The following FABP6 variants were observed in gnomAD, a reference collection of about 807,000 sequenced individuals.
FABP6 encodes the protein gastrotropin.
A neutral mutation model predicts 14.9 loss-of-function variants in FABP6; 13 were observed. That is an observed-to-expected ratio of 0.87 (90% CI 0.57 to 1.39). The LOEUF (loss-of-function observed/expected upper bound fraction) is 1.39, where lower values mean the gene tolerates loss of function less well. FABP6 is among the 40% of genes most tolerant of loss of function. The pLI is 0.00. For missense variants in FABP6, 161 were observed against 167.2 expected, an observed-to-expected ratio of 0.96 and a Z score of 0.20; for synonymous variants, 75 against 63.6, an observed-to-expected ratio of 1.18 and a Z score of -0.85.
At chr5:160,232,519 T>G (rs1288866036) in intron 2 of FABP6, among the ~76,000 whole-genome samples, 2 of 152,106 alleles carry the variant, frequency 1.3e-5, no homozygotes, top group African/African-American at 2.4e-5. Context: ...TGCTGAATAG[T>G]TTTTCCATCT....
At chr5:160,210,239 C>T (rs558615209) in intron 2 of FABP6, among the ~76,000 whole-genome samples, 4 of 152,196 alleles carry the variant, frequency 2.6e-5, no homozygotes, top group Admixed American at 2.0e-4. Context: ...GGCTCTGTTC[C>T]TAGTTCTGGC....
intron 2 of FABP6, among the ~76,000 whole-genome samples, chr5:160,203,904 T>C (rs898506107): frequency 6.6e-6 from 1 of 151,974 alleles, no homozygotes; most frequent in African/African-American, 2.4e-5. Context: ...TTTCACCATG[T>C]TGGTCAGGCT....
intron 3 of FABP6, among the ~76,000 whole-genome samples, chr5:160,214,110 TC>T (rs1227392347): frequency 7.4e-6 from 1 of 134,906 alleles, no homozygotes; most frequent in Non-Finnish European, 1.6e-5. Flanking sequence ...TTTCTTTCTT[TC>T]TTTCTTTCTT....
upstream of FABP6, among the ~76,000 whole-genome samples, chr5:160,225,317 G>C (rs1007621816): frequency 6.6e-6 from 1 of 151,300 alleles, no homozygotes; most frequent in African/African-American, 2.4e-5. Context: ...GGCTGGTCTC[G>C]AACTCCTAGC....
intron 1 of FABP6, among the ~76,000 whole-genome samples, chr5:160,193,987 C>A (rs893432682): frequency 2.6e-5 from 4 of 152,222 alleles, no homozygotes. Context: ...CAGGTGCCCA[C>A]GGAGGCGGGG....
At chr5:160,190,377 C>T (rs1759369986) in intron 1 of FABP6, among the ~76,000 whole-genome samples, 2 of 152,080 alleles carry the variant, frequency 1.3e-5, no homozygotes, top group South Asian at 4.1e-4. Flanking sequence ...GGATTACAGG[C>T]ATGCACCACC....
chr5:160,202,524 T>A (rs1156641129), intron 2 of FABP6, among the ~76,000 whole-genome samples: 1 of 152,082 alleles, frequency 6.6e-6, no homozygotes, highest in African/African-American at 2.4e-5. Flanking sequence ...TGGCCGGGCG[T>A]GGTGGCTCAC....
chr5:160,216,456 T>C (rs924325895), intron 3 of FABP6, among the ~76,000 whole-genome samples: 2 of 151,814 alleles, frequency 1.3e-5, no homozygotes, highest in African/African-American at 2.4e-5. Flanking sequence ...TTAGTAGAGA[T>C]GGGGTTTCAC....
chr5:160,218,418 G>A (rs76081056), intron 3 of FABP6, among the ~76,000 whole-genome samples: 2,691 of 149,892 alleles, frequency 0.018, 74 homozygotes, highest in African/African-American at 0.061. Flanking sequence ...TCTCATTGTG[G>A]ATAAACAAAG....
chr5:160,223,327 G>GC (rs1394442094), intron 3 of FABP6, among the ~76,000 whole-genome samples: 1 of 46,444 alleles, frequency 2.2e-5, no homozygotes, highest in East Asian at 9.3e-4. Flanking sequence ...GTGAATTTTT[G>GC]CCCGCCCTTC....
chr5:160,233,862 G>C (rs1460735341), intron 2 of FABP6, among the ~76,000 whole-genome samples: 1 of 143,870 alleles, frequency 7.0e-6, no homozygotes, highest in South Asian at 2.4e-4. Flanking sequence ...ACAGGGCGAG[G>C]CTCCGTCTCA....
chr5:160,203,590 T>C (rs1002254461), intron 2 of FABP6, among the ~76,000 whole-genome samples: 11 of 152,206 alleles, frequency 7.2e-5, no homozygotes, highest in Admixed American at 2.0e-4. Context: ...CTCAGACTCC[T>C]GGGATCAAGC....
At chr5:160,205,354 C>T (rs1290499972) in intron 2 of FABP6, among the ~76,000 whole-genome samples, 1 of 151,534 alleles carries the variant, frequency 6.6e-6, no homozygotes, top group Non-Finnish European at 1.5e-5. Context: ...CTGAAATACC[C>T]CCACACATTA....
intron 2 of FABP6, among the ~76,000 whole-genome samples, chr5:160,212,792 T>C (rs1181962416): frequency 1.3e-5 from 2 of 152,120 alleles, no homozygotes; most frequent in Non-Finnish European, 2.9e-5. Flanking sequence ...TTTAAAAATA[T>C]TTTTGGTAGA....
chr5:160,212,899 G>C (rs116404599), intron 2 of FABP6, among the ~76,000 whole-genome samples: 10,727 of 152,250 alleles, frequency 0.07, 610 homozygotes, highest in East Asian at 0.36. Flanking sequence ...TTACAGGTGT[G>C]AGCCACTACG....
chr5:160,214,145 T>TTCTC (rs1759962047), intron 3 of FABP6, among the ~76,000 whole-genome samples: 1 of 149,068 alleles, frequency 6.7e-6, no homozygotes, highest in Non-Finnish European at 1.5e-5. Context: ...CTTTCTTTCT[T>TTCTC]TCTTTCTTTC....
chr5:160,207,436 A>G (rs760156583), intron 2 of FABP6, among the ~76,000 whole-genome samples: 2 of 152,136 alleles, frequency 1.3e-5, no homozygotes, highest in Non-Finnish European at 2.9e-5. Flanking sequence ...GCTCTAAATT[A>G]CCCTTCTTTT....
rs1400963440 is a variant in FABP6 at position 160,229,819 on chromosome 5, CT to C, written c.67+201del. Among the ~76,000 whole-genome samples, 15 of 148,672 alleles carry C rather than the reference CT, an allele frequency of 1.0e-4. No individual in the cohort carries two copies. The South Asian group carries it at 1.5e-3, about 15-fold the overall frequency. On this transcript the variant is annotated intron_variant, in intron 1 of 3. Coordinates refer to ENST00000402432, the MANE Select transcript of FABP6 (RefSeq NM_001445.3). ...TAATAAGAACTAAGACACTCTTTAA[CT>C]TTTTTATTTTATTTTATTTTATTTT...
intron 1 of FABP6, among the ~76,000 whole-genome samples, chr5:160,189,740 T>G (rs546861756): frequency 6.6e-6 from 1 of 152,280 alleles, no homozygotes; most frequent in Admixed American, 6.5e-5. Flanking sequence ...AATTTTAAGA[T>G]ATACTACTGA....
Sources: gnomAD v4.1 joint callset for allele counts (sites outside exome capture counted in the v4.1 genomes callset) on GRCh38, gnomAD v4.1.1 for gene constraint, MANE v1.5 for transcripts, NCBI Gene and HGNC (gene_info 2026-07-23, HGNC 2026-07-21) for gene names.